The following NLGN1 variants were observed in gnomAD, a reference collection of about 807,000 sequenced individuals.
NLGN1 encodes neuroligin-1.
Under a neutral mutation model 65.5 loss-of-function variants are expected in NLGN1, and 12 were observed. That is an observed-to-expected ratio of 0.18 (90% CI 0.12 to 0.30). The LOEUF (loss-of-function observed/expected upper bound fraction) is 0.30. Ranked by LOEUF, NLGN1 falls within the 10% of genes least tolerant of loss-of-function variation. The pLI, the probability that NLGN1 is intolerant of heterozygous loss-of-function variation, is 1.00. For missense variants in NLGN1, 750 were observed against 1,007.1 expected (o/e 0.74, Z 3.46); for synonymous variants, 350 against 359.5 (o/e 0.97, Z 0.30).
At chr3:174,074,787 A>G (rs114473302) in intron 4 of NLGN1, among the ~76,000 whole-genome samples, 1 of 152,286 alleles carries the variant, frequency 6.6e-6, no homozygotes, top group African/African-American at 2.4e-5. Flanking sequence ...TGAAAGTTCA[A>G]TTACTCTCTT....
rs1211727254 is a variant in NLGN1 at position 173,409,286 on chromosome 3, GTATC to G, written c.-390+10806_-390+10809del. Reference sequence around the variant, plus strand: ...TACATATATATCAATATGTAAATGTGTATCTATCTACCTCTGTTTATCTTTATTA... The same window carrying G: ...TACATATATATCAATATGTAAATGTGTATCTACCTCTGTTTATCTTTATTA... On this transcript the variant is annotated intron_variant, in intron 1 of 6. Transcript: ENST00000457714. Among the ~76,000 whole-genome samples the G allele has an allele frequency of 5.3e-5, 8 of 152,248 alleles. No individual in the cohort carries two copies. In the East Asian group the frequency reaches 1.3e-3, roughly 26 times the overall value.
At chr3:173,415,902 TATAGAGAGAGAGAGAGGGAG>T (rs1560220428) in intron 1 of NLGN1, among the ~76,000 whole-genome samples, 1 of 130,770 alleles carries the variant, frequency 7.6e-6, no homozygotes, top group African/African-American at 3.7e-5. Context: ...TATATATATA[TATAGAGAGAGAGAGAGGGAG>T]AGAGAGAGAG....
intron 4 of NLGN1, among the ~76,000 whole-genome samples, chr3:174,221,585 TTAAA>T (rs1415118945): frequency 6.8e-6 from 1 of 146,136 alleles, no homozygotes; most frequent in African/African-American, 2.5e-5. Flanking sequence ...TAAGTTATAC[TTAAA>T]TAAACATACA....
chr3:174,131,173 C>A (rs896233167), intron 4 of NLGN1, among the ~76,000 whole-genome samples: 2 of 152,044 alleles, frequency 1.3e-5, no homozygotes, highest in African/African-American at 4.8e-5. Context: ...TTCTCCAAGG[C>A]TAATGTACGA....
intron 4 of NLGN1, among the ~76,000 whole-genome samples, chr3:173,909,291 A>C (rs1739092382): frequency 6.6e-6 from 1 of 152,036 alleles, no homozygotes; most frequent in Non-Finnish European, 1.5e-5. Context: ...CTTCAATTTA[A>C]CCCTGGGCTT....
In NLGN1 at chr3:174,170,701, T is replaced by C. The variant is rs150391713; in HGVS notation, c.647-104614T>C. On this transcript the variant is annotated intron_variant, in intron 4 of 6. Transcript: ENST00000457714. ...ATTTTAAACATATGGCACTAGCTAA[T>C]GTGCATAACAGTGACCACAATGAAT... 3.4e-3 allele frequency among the ~76,000 whole-genome samples: 512 copies of C among 152,314 alleles called. 2 individuals carry two copies. Among genetic ancestry groups the C allele is most frequent in the African/African-American group, 0.012 (487 of 41,580 alleles).
chr3:173,435,506 A>G (rs1461317142), intron 2 of NLGN1, among the ~76,000 whole-genome samples: 3 of 152,116 alleles, frequency 2.0e-5, no homozygotes, highest in Non-Finnish European at 2.9e-5. Flanking sequence ...TTATGTTGTG[A>G]TATTTATAAT....
At chr3:173,795,354 A>G (rs1247274059) in intron 3 of NLGN1, among the ~76,000 whole-genome samples, 1 of 152,150 alleles carries the variant, frequency 6.6e-6, no homozygotes, top group Non-Finnish European at 1.5e-5. Context: ...CCTTTAACTG[A>G]AACATTTTCC....
intron 2 of NLGN1, among the ~76,000 whole-genome samples, chr3:173,584,145 C>T (rs1343871204): frequency 6.7e-6 from 1 of 149,330 alleles, no homozygotes; most frequent in Non-Finnish European, 1.5e-5. Flanking sequence ...AACAAAGAAA[C>T]ATCAGATGCT....
intron 3 of NLGN1, among the ~76,000 whole-genome samples, chr3:173,754,024 C>CTTTTTTTTTTTTTTTTTTTTT (rs71162358): frequency 2.4e-4 from 29 of 121,604 alleles, no homozygotes; most frequent in Middle Eastern, 4.7e-3. Flanking sequence ...TCTTTCTTTT[C>CTTTTTTTTTTTTTTTTTTTTT]TTTTTTTTTT....
At position 174,267,246 on chromosome 3, in the gene NLGN1, C is replaced by G. The variant is rs980546103; in HGVS notation, c.647-8069C>G. Among the ~76,000 whole-genome samples, 10 of 152,186 alleles carry G rather than the reference C, an allele frequency of 6.6e-5. 1 individual carries two copies. The highest frequency in any genetic ancestry group is 2.2e-4 in the African/African-American group (9 of 41,446). Reference sequence around the variant, plus strand: ...TGTACAAGAAACATCACAGCAGCATCTACTTCTGGTGAGAGCCTCTGGCTT... The same window carrying G: ...TGTACAAGAAACATCACAGCAGCATGTACTTCTGGTGAGAGCCTCTGGCTT... On this transcript the variant is annotated intron_variant, in intron 4 of 6. Transcript: ENST00000457714.
chr3:173,851,702 T>C (rs1452159023), intron 4 of NLGN1, among the ~76,000 whole-genome samples: 1 of 152,148 alleles, frequency 6.6e-6, no homozygotes, highest in East Asian at 1.9e-4. Flanking sequence ...GCTTGATAAA[T>C]ATCTGGGGAT....
intron 4 of NLGN1, among the ~76,000 whole-genome samples, chr3:173,966,437 A>G (rs1714883232): frequency 6.6e-6 from 1 of 152,254 alleles, no homozygotes; most frequent in South Asian, 2.1e-4. Flanking sequence ...GTCATCTAAC[A>G]AAGGACATAA....
intron 2 of NLGN1, among the ~76,000 whole-genome samples, chr3:173,483,344 C>T (rs1211021740): frequency 2.6e-5 from 4 of 151,752 alleles, no homozygotes; most frequent in South Asian, 4.2e-4. Context: ...CTTTTTATAA[C>T]TCAATAGGAG....
chr3:173,817,636 G>T (rs190257507), intron 4 of NLGN1, among the ~76,000 whole-genome samples: 153 of 152,248 alleles, frequency 1.0e-3, no homozygotes, highest in Middle Eastern at 3.4e-3. Flanking sequence ...CTGAATGCCT[G>T]CTTTGAAGGA....
At chr3:174,034,456 GA>G (rs1730696135) in intron 4 of NLGN1, among the ~76,000 whole-genome samples, 1 of 151,870 alleles carries the variant, frequency 6.6e-6, no homozygotes, top group African/African-American at 2.4e-5. Flanking sequence ...TGACCTAAAA[GA>G]TAACTATTAA....
At chr3:173,894,821 G>C (rs1018507995) in intron 4 of NLGN1, among the ~76,000 whole-genome samples, 12 of 151,402 alleles carry the variant, frequency 7.9e-5, no homozygotes, top group African/African-American at 2.9e-4. Flanking sequence ...AATTTTAGTA[G>C]AGACAGGGTT....
chr3:174,161,808 A>T (rs1372276372), intron 4 of NLGN1, among the ~76,000 whole-genome samples: 1 of 151,890 alleles, frequency 6.6e-6, no homozygotes, highest in Non-Finnish European at 1.5e-5. Flanking sequence ...AATGGAACTG[A>T]TAGAAGACAA....
intron 4 of NLGN1, among the ~76,000 whole-genome samples, chr3:173,823,916 AT>A (rs1263736995): frequency 2.7e-5 from 2 of 74,818 alleles, no homozygotes; most frequent in East Asian, 2.3e-4. Flanking sequence ...TTTCTTGTTA[AT>A]TTAAAAAAAA....
Sources: allele counts gnomAD v4.1 joint callset (sites outside exome capture counted in the v4.1 genomes callset), GRCh38; gene constraint gnomAD v4.1.1; transcripts MANE v1.5; gene names NCBI Gene and HGNC (gene_info 2026-07-23, HGNC 2026-07-21).